Variants in MOSPD1 observed in about 807,000 individuals in gnomAD.
MOSPD1 encodes motile sperm domain-containing protein 1.
Under a neutral mutation model 16.7 loss-of-function variants are expected in MOSPD1, and 5 were observed. That is an observed-to-expected ratio of 0.30 (90% confidence interval 0.16 to 0.63). The LOEUF (loss-of-function observed/expected upper bound fraction) is 0.63, where lower values mean the gene tolerates loss of function less well. Ranked by LOEUF, MOSPD1 falls within the 30% of genes least tolerant of loss-of-function variation. The pLI, the probability that MOSPD1 is intolerant of heterozygous loss-of-function variation, is 0.82. For synonymous variants in MOSPD1, 67 were observed against 59.2 expected (o/e 1.13, Z -0.61); for missense variants, 104 against 153.6 (o/e 0.68, Z 1.71).
At chrX:134,895,193 C>T (rs779812861) in intron 4 of MOSPD1, among the ~76,000 whole-genome samples, 2 of 110,074 alleles carry the variant, frequency 1.8e-5, no homozygotes, top group Non-Finnish European at 3.8e-5. Flanking sequence ...GGTGTGGTGA[C>T]GAGCACCTGT....
chrX:134,893,303 T>C (rs1435383635), intron 4 of MOSPD1, among the ~76,000 whole-genome samples: 3 of 111,868 alleles, frequency 2.7e-5, no homozygotes, highest in African/African-American at 9.7e-5. Context: ...TTTATAGTTA[T>C]CTTTGTTGCA....
intron 4 of MOSPD1, among the ~76,000 whole-genome samples, chrX:134,893,802 T>C (rs1464995967): frequency 8.9e-6 from 1 of 111,810 alleles, no homozygotes; most frequent in African/African-American, 3.2e-5. Flanking sequence ...TGGCACACTA[T>C]CTTATGAATA....
rs943814881 is a variant in MOSPD1, at chrX:134,888,217, TAA to T, written c.*942_*943del. On this transcript the variant is annotated 3_prime_UTR_variant, in exon 6 of 6. Coordinates refer to ENST00000370783, the MANE Select transcript of MOSPD1 (RefSeq NM_019556.3). ...GTTGTCTTAATAATAAATAAAAACT[TAA>T]AAAAAAGTCTCAGTGACTGATATAA... is the stretch of plus-strand genomic sequence containing the variant. 1.8e-5 allele frequency: 2 copies of T among 111,121 alleles called. No individual in the cohort carries two copies. The highest frequency in any genetic ancestry group is 3.8e-5 in the Non-Finnish European group (2 of 52,813). 9.2% of individuals were successfully genotyped at this position (111,121 alleles called of 1,213,427 possible).
At position 134,889,147 on chromosome X, in the gene MOSPD1, A is replaced by G. The variant is rs781571158; in HGVS notation, c.*14T>C. 1 of 1,191,206 alleles carries G rather than the reference A, an allele frequency of 8.4e-7. No homozygotes were observed. Among genetic ancestry groups the G allele is most frequent in the South Asian group, 1.9e-5 (1 of 54,025 alleles). The stretch of plus-strand genomic sequence containing the variant: ...CAAGACAGATTTACTTCAGAAGTCA[A>G]TTGAAATCCTTGCTCATGTTCTAAG... On this transcript the variant is annotated 3_prime_UTR_variant, in exon 6 of 6. Transcript: ENST00000370783.
At chrX:134,908,411 G>A (rs1421533301) in intron 1 of MOSPD1, among the ~76,000 whole-genome samples, 1 of 111,843 alleles carries the variant, frequency 8.9e-6, no homozygotes, top group Non-Finnish European at 1.9e-5. Context: ...TAAGAGGAGA[G>A]CAGAGAGAAT....
At chrX:134,912,277 A>G (rs896175864) in intron 1 of MOSPD1, among the ~76,000 whole-genome samples, 1 of 110,642 alleles carries the variant, frequency 9.0e-6, no homozygotes, top group Admixed American at 9.6e-5. Context: ...CAAACTCCCA[A>G]CCTCAGGTGA....
intron 4 of MOSPD1, among the ~76,000 whole-genome samples, chrX:134,896,383 TG>T (rs1348243854): frequency 9.1e-5 from 10 of 110,223 alleles, no homozygotes; most frequent in Non-Finnish European, 1.7e-4. Flanking sequence ...ATATGAACAG[TG>T]CACTAAGCTT....
intron 5 of MOSPD1, among the ~76,000 whole-genome samples, chrX:134,889,906 A>G (rs2082853606): frequency 9.1e-6 from 1 of 110,316 alleles, no homozygotes; most frequent in African/African-American, 3.3e-5. Flanking sequence ...CCCCGTCTCT[A>G]CTAAAAATAC....
intron 3 of MOSPD1, among the ~76,000 whole-genome samples, chrX:134,897,559 A>AAG (rs2148393656): frequency 1.3e-5 from 1 of 77,646 alleles, no homozygotes; most frequent in East Asian, 4.1e-4. Flanking sequence ...AAAAAAAAAA[A>AAG]AAAAAAAAAG....
At chrX:134,901,648 C>CA (rs1400267530) in intron 1 of MOSPD1, among the ~76,000 whole-genome samples, 2 of 102,512 alleles carry the variant, frequency 2.0e-5, no homozygotes, top group African/African-American at 3.6e-5. Flanking sequence ...GACTCTATCT[C>CA]AAAAAAAAGA....
intron 5 of MOSPD1, 33 bp downstream of exon 5, chrX:134,891,446 C>T (rs1569467358): frequency 1.1e-5 from 13 of 1,194,494 alleles, no homozygotes; most frequent in Non-Finnish European, 1.5e-5. Flanking sequence ...AAGCCCTACA[C>T]ATATGTCCCA....
intron 1 of MOSPD1, among the ~76,000 whole-genome samples, chrX:134,913,173 G>A (rs756194072): frequency 2.7e-5 from 3 of 110,898 alleles, no homozygotes; most frequent in Admixed American, 9.7e-5. Context: ...TCAGGAGTTC[G>A]AGACCAGCCT....
At chrX:134,913,138 C>G (rs1377035646) in intron 1 of MOSPD1, among the ~76,000 whole-genome samples, 2 of 109,172 alleles carry the variant, frequency 1.8e-5, no homozygotes, top group Non-Finnish European at 3.8e-5. Context: ...CTTTGGGAGA[C>G]CGAGGGGGGG....
At chrX:134,908,843 AAAGAT>A (rs2082956212) in intron 1 of MOSPD1, among the ~76,000 whole-genome samples, 1 of 112,249 alleles carries the variant, frequency 8.9e-6, no homozygotes. Flanking sequence ...AGAGGAATGA[AAAGAT>A]AAGACTTTGA....
At chrX:134,913,109 C>CA (rs2082981194) in intron 1 of MOSPD1, among the ~76,000 whole-genome samples, 1 of 109,961 alleles carries the variant, frequency 9.1e-6, no homozygotes, top group African/African-American at 3.3e-5. Context: ...CGTGGTGGCT[C>CA]ACGCCTGTAA....
chrX:134,890,946 G>A (rs760660984), intron 5 of MOSPD1, among the ~76,000 whole-genome samples: 2 of 111,810 alleles, frequency 1.8e-5, no homozygotes, highest in East Asian at 2.8e-4. Flanking sequence ...TGGAAGGTAC[G>A]GAATAAATAT....
At chrX:134,902,587 G>A (rs1293746570) in intron 1 of MOSPD1, among the ~76,000 whole-genome samples, 1 of 109,086 alleles carries the variant, frequency 9.2e-6, no homozygotes, top group Non-Finnish European at 1.9e-5. Flanking sequence ...GAGCCCAGGA[G>A]TTCAAAATCA....
At chrX:134,901,192 C>T (rs759749109) in intron 1 of MOSPD1, among the ~76,000 whole-genome samples, 9 of 111,657 alleles carry the variant, frequency 8.1e-5, no homozygotes, top group Non-Finnish European at 1.3e-4. Flanking sequence ...AGCAGAGATA[C>T]AAAGATGAAT....
chrX:134,905,021 C>T (rs1403078666), intron 1 of MOSPD1, among the ~76,000 whole-genome samples: 2 of 110,854 alleles, frequency 1.8e-5, no homozygotes, highest in Non-Finnish European at 1.9e-5. Context: ...AAGTGAGAAA[C>T]GCAAGGAGCG....
Sources: allele counts gnomAD v4.1 joint callset (sites outside exome capture counted in the v4.1 genomes callset), GRCh38; gene constraint gnomAD v4.1.1; transcripts MANE v1.5; gene names NCBI Gene and HGNC (gene_info 2026-07-23, HGNC 2026-07-21).